CRIM1: variants seen among roughly 807,000 people sequenced by gnomAD.
The protein encoded by CRIM1 is cysteine rich transmembrane BMP regulator 1, also known as cysteine-rich motor neuron 1 protein.
CRIM1 carries 32 observed loss-of-function variants against 116.4 expected under a neutral mutation model. That is an observed-to-expected ratio of 0.27 (90% confidence interval 0.21 to 0.37). CRIM1 has a LOEUF of 0.37. Among genes scored for constraint, CRIM1 ranks in the 10% least tolerant of loss-of-function variants. CRIM1 has a pLI of 1.00. For missense variants in CRIM1, 1,331 were observed against 1,354.8 expected (o/e 0.98, Z 0.28); for synonymous variants, 590 against 509.2 (o/e 1.16, Z -2.13).
chr2:36,503,664 T>C (rs1308975015), intron 8 of CRIM1, among the ~76,000 whole-genome samples: 2 of 152,122 alleles, frequency 1.3e-5, no homozygotes, highest in Non-Finnish European at 2.9e-5. Context: ...TTTCTCCTCC[T>C]TGGTTTTAGA....
chr2:36,541,812 G>T (rs1412052603), intron 14 of CRIM1, among the ~76,000 whole-genome samples: 1 of 152,168 alleles, frequency 6.6e-6, no homozygotes, highest in Non-Finnish European at 1.5e-5. Context: ...CAGCTGTAAA[G>T]GGCTCTTCTA....
intron 13 of CRIM1, among the ~76,000 whole-genome samples, chr2:36,524,158 A>C (rs1020312922): frequency 1.3e-5 from 2 of 152,202 alleles, no homozygotes; most frequent in Non-Finnish European, 2.9e-5. Flanking sequence ...ATAGATCAGG[A>C]GTGTCCCAAG....
chr2:36,409,013 G>GA (rs11408190), intron 2 of CRIM1, among the ~76,000 whole-genome samples: 100,740 of 147,734 alleles, frequency 0.68, 34,825 homozygotes, highest in East Asian at 0.93. Context: ...CCTCAGAGGG[G>GA]AAAAAAAAAA....
At chr2:36,402,706 A>C (rs1252589147) in intron 2 of CRIM1, among the ~76,000 whole-genome samples, 1 of 149,568 alleles carries the variant, frequency 6.7e-6, no homozygotes, top group African/African-American at 2.5e-5. Flanking sequence ...TGAGAGCTGG[A>C]GATGAAGAGA....
intron 7 of CRIM1, among the ~76,000 whole-genome samples, chr2:36,486,833 T>C (rs770108393): frequency 3.6e-4 from 55 of 152,200 alleles, no homozygotes; most frequent in Non-Finnish European, 5.7e-4. Flanking sequence ...ATTCTTGAAA[T>C]GATAGGAATG....
intron 2 of CRIM1, among the ~76,000 whole-genome samples, chr2:36,434,918 T>G (rs921171235): frequency 1.1e-4 from 16 of 152,166 alleles, no homozygotes; most frequent in Admixed American, 3.9e-4. Context: ...TGCAAGCCTG[T>G]GTTGCGATGC....
Position 36,356,636 on chromosome 2 carries a change from G to A in CRIM1, c.331+13G>A. ...GGCGTTTGCGAAGGTACGGCCGCCC[G>A]CTGCGGGCCCCCTCCCACCTGGCCT... On this transcript the variant is annotated intron_variant, in intron 1 of 16. Transcript: ENST00000280527. The surrounding 1 kb of genome is among the most constrained non-coding windows in gnomAD (Gnocchi z 4.3). 6.3e-7 allele frequency: 1 copy of A among 1,598,408 alleles called. No individual in the cohort carries two copies. The highest frequency in any genetic ancestry group is 1.1e-5 in the South Asian group (1 of 89,568).
At chr2:36,501,084 T>A (rs1028343460) in intron 8 of CRIM1, among the ~76,000 whole-genome samples, 1 of 152,222 alleles carries the variant, frequency 6.6e-6, no homozygotes, top group African/African-American at 2.4e-5. Context: ...TAGAACACTT[T>A]GTCCCTTTTG....
Position 36,548,891 on chromosome 2 carries a change from G to GAT in CRIM1, c.*192_*193dup. 2.5e-6 allele frequency: 1 copy of GAT among 395,808 alleles called. No homozygotes were observed. Among genetic ancestry groups the GAT allele is most frequent in the Non-Finnish European group, 4.4e-6 (1 of 226,094 alleles). The allele number at this position is 395,808 out of a possible 1,614,324, so 24.5% of individuals were successfully genotyped here. ...AACAAGCATTCCCACTTTTCCTCAA[G>GAT]ATAACTGACCAAGTGTTTTCTTAGA... On this transcript the variant is annotated 3_prime_UTR_variant, in exon 17 of 17. Coordinates refer to ENST00000280527, the MANE Select transcript of CRIM1 (RefSeq NM_016441.3).
chr2:36,545,828 A>G (rs1667284971), intron 15 of CRIM1, among the ~76,000 whole-genome samples: 1 of 152,212 alleles, frequency 6.6e-6, no homozygotes, highest in African/African-American at 2.4e-5. Flanking sequence ...AATATGGGAA[A>G]GTAAAATTCA....
In CRIM1 at chr2:36,499,205, CTATT is replaced by C. The variant is rs748207568; in HGVS notation, c.1373-9_1373-6del. ...TATGTTTCATTGGTTATTTTTTTCT[CTATT>C]TATTATTAGAACCAACCATCATCAC... On this transcript the variant is annotated splice_polypyrimidine_tract_variant and intron_variant, in intron 7 of 16. Transcript: ENST00000280527. 3 of 1,595,790 alleles carry C rather than the reference CTATT, an allele frequency of 1.9e-6. No homozygotes were observed. Among genetic ancestry groups the C allele is most frequent in the Non-Finnish European group, 2.6e-6 (3 of 1,166,980 alleles).
chr2:36,538,021 C>A (rs1666675480), intron 14 of CRIM1, among the ~76,000 whole-genome samples: 1 of 152,120 alleles, frequency 6.6e-6, no homozygotes, highest in Non-Finnish European at 1.5e-5. Flanking sequence ...CAGCCAGTAC[C>A]CATACCATCC....
intron 1 of CRIM1, among the ~76,000 whole-genome samples, chr2:36,383,696 A>T (rs1200161684): frequency 1.3e-5 from 2 of 152,140 alleles, no homozygotes; most frequent in Admixed American, 1.3e-4. Context: ...GTGTGCTGGA[A>T]AGAGAGAGGG....
At chr2:36,377,123 G>GT (rs1263380543) in intron 1 of CRIM1, among the ~76,000 whole-genome samples, 1 of 152,224 alleles carries the variant, frequency 6.6e-6, no homozygotes, top group Non-Finnish European at 1.5e-5. Context: ...GCACACAGGT[G>GT]TTTTCTGCTG....
At chr2:36,441,645 C>T in intron 3 of CRIM1, 145 bp downstream of exon 3, 2 of 1,022,056 alleles carry the variant, frequency 2.0e-6, no homozygotes, top group South Asian at 3.2e-5. Flanking sequence ...GGGCTAATGG[C>T]AGCTTGACTT....
chr2:36,444,667 G>A (rs533446064), intron 4 of CRIM1, among the ~76,000 whole-genome samples: 31 of 152,196 alleles, frequency 2.0e-4, no homozygotes, highest in Non-Finnish European at 4.1e-4. Context: ...TTGCAGAGAA[G>A]GGATAGGTTC....
intron 10 of CRIM1, 81 bp from the exon 11 acceptor site, chr2:36,513,475 T>C: frequency 3.7e-6 from 4 of 1,095,518 alleles, no homozygotes; most frequent in Non-Finnish European, 4.2e-6. Flanking sequence ...GTGGCTGGGG[T>C]CCAGTCCATG....
intron 10 of CRIM1, 123 bp downstream of exon 10, chr2:36,512,517 T>C: frequency 9.3e-7 from 1 of 1,080,140 alleles, no homozygotes; most frequent in Non-Finnish European, 1.3e-6. Context: ...CAAATGTCAG[T>C]CTCTGTGGGA....
rs114689815 is a variant in CRIM1, at chr2:36,470,777, T to C, written c.992-6112T>C. On this transcript the variant is annotated intron_variant, in intron 5 of 16. Coordinates refer to ENST00000280527, the MANE Select transcript of CRIM1 (RefSeq NM_016441.3). ...CCAAGGAGTCATTTCAACTTTCAAG[T>C]CTTGTTAATTAAGAAAAACATTTCA... 2.3e-3 allele frequency among the ~76,000 whole-genome samples: 346 copies of C among 152,312 alleles called. 1 individual carries two copies. The highest frequency in any genetic ancestry group is 7.4e-3 in the African/African-American group (309 of 41,558).
Sources: gnomAD v4.1 joint callset for allele counts (sites outside exome capture counted in the v4.1 genomes callset) on GRCh38, gnomAD v4.1.1 for gene constraint, Gnocchi (gnomAD v3.1) non-coding constraint, MANE v1.5 for transcripts, NCBI Gene and HGNC (gene_info 2026-07-23, HGNC 2026-07-21) for gene names.